ABI3BP: variants seen among roughly 807,000 people sequenced by gnomAD.
ABI3BP encodes ABI family member 3 binding protein.
ABI3BP carries 216 observed loss-of-function variants against 268.6 expected under a neutral mutation model. The observed-to-expected ratio is 0.80, with a 90% CI of 0.72 to 0.90. The LOEUF (loss-of-function observed/expected upper bound fraction) is 0.90. Ranked by LOEUF, ABI3BP falls within the 40% of genes least tolerant of loss-of-function variation. The probability of loss-of-function intolerance (pLI) is 0.00; values close to 1 mark genes in which losing one functional copy is unlikely to be tolerated. For missense variants in ABI3BP, 2,090 were observed against 2,182.4 expected (o/e 0.96, Z 0.84); for synonymous variants, 730 against 730.0 (o/e 1.00, Z 0.00).
At chr3:100,831,936 AT>A (rs2098501766) in intron 31 of ABI3BP, among the ~76,000 whole-genome samples, 2 of 152,212 alleles carry the variant, frequency 1.3e-5, no homozygotes, top group African/African-American at 2.4e-5. Context: ...CCCACTTCTG[AT>A]GTATGGACTA....
chr3:100,773,198 C>T (rs1483828845), intron 61 of ABI3BP, among the ~76,000 whole-genome samples: 1 of 151,732 alleles, frequency 6.6e-6, no homozygotes, highest in East Asian at 1.9e-4. Context: ...AGAAGACACA[C>T]ACTGGGAAAA....
intron 14 of ABI3BP, among the ~76,000 whole-genome samples, chr3:100,858,505 A>G (rs1481778985): frequency 6.6e-6 from 1 of 152,252 alleles, no homozygotes; most frequent in African/African-American, 2.4e-5. Flanking sequence ...ATTTTCATAG[A>G]GTCTTTTATA....
At chr3:100,852,491 C>G (rs1425537665) in intron 14 of ABI3BP, among the ~76,000 whole-genome samples, 2 of 152,142 alleles carry the variant, frequency 1.3e-5, no homozygotes, top group Non-Finnish European at 2.9e-5. Flanking sequence ...GGCAGTAGCC[C>G]CACTTTGTAG....
chr3:100,812,864 A>G (rs2097897681), intron 45 of ABI3BP, among the ~76,000 whole-genome samples: 1 of 152,140 alleles, frequency 6.6e-6, no homozygotes, highest in South Asian at 2.1e-4. Flanking sequence ...CATTACTAAT[A>G]CTGACTTTTA....
chr3:100,917,398 G>A (rs1038019908), intron 2 of ABI3BP, among the ~76,000 whole-genome samples: 1 of 152,038 alleles, frequency 6.6e-6, no homozygotes, highest in Non-Finnish European at 1.5e-5. Flanking sequence ...ATAATATATG[G>A]ATAATCAGGA....
intron 44 of ABI3BP, 114 bp from the exon 45 acceptor site, chr3:100,813,849 G>A: frequency 2.3e-6 from 2 of 881,456 alleles, no homozygotes; most frequent in African/African-American, 1.7e-5. Flanking sequence ...ATGAGGTTAT[G>A]GAGAGCCATA....
intron 1 of ABI3BP, among the ~76,000 whole-genome samples, chr3:100,984,714 G>A (rs954413652): frequency 4.6e-5 from 7 of 152,252 alleles, no homozygotes; most frequent in South Asian, 2.1e-4. Flanking sequence ...AATATTATAC[G>A]GAGTAGAATA....
Position 100,911,985 on chromosome 3 carries a change from G to A in ABI3BP, c.260-9299C>T, listed in dbSNP as rs2056687604. ...TGAGGAATTATAAAAGCTAAAAAAAGCATGGAATATATTTCTGAATGTCAA... is the reference window on the plus strand; with the variant it reads ...TGAGGAATTATAAAAGCTAAAAAAAACATGGAATATATTTCTGAATGTCAA... On this transcript the variant is annotated intron_variant, in intron 2 of 67. Transcript: ENST00000471714. 8 of 821,030 alleles carry A rather than the reference G, an allele frequency of 9.7e-6. No individual in the cohort carries two copies. In the South Asian group the frequency reaches 1.1e-4, roughly 12 times the overall value. 50.9% of individuals were successfully genotyped at this position (821,030 alleles called of 1,614,324 possible). A position where few individuals can be genotyped will look rare whatever the true frequency, so the allele number is the denominator to read the frequency against.
intron 35 of ABI3BP, among the ~76,000 whole-genome samples, chr3:100,825,360 AAG>A (rs2098357427): frequency 7.0e-6 from 1 of 142,864 alleles, no homozygotes; most frequent in Non-Finnish European, 1.5e-5. Context: ...CTAATAAAGA[AAG>A]AAACATACTG....
rs1019227416 is a variant in ABI3BP, at chr3:100,753,948, C to A, written c.4931-100G>T. The A allele has an allele frequency of 4.9e-6, 6 of 1,227,214 alleles. No individual in the cohort carries two copies. The East Asian group carries it at 1.5e-4, about 31-fold the overall frequency. The allele number at this position is 1,227,214 out of a possible 1,614,324, so 76.0% of individuals were successfully genotyped here. On this transcript the variant is annotated intron_variant, in intron 64 of 67. Coordinates refer to ENST00000471714, the MANE Select transcript of ABI3BP (RefSeq NM_001375547.2). ...TGGGGGCTTACACTTGTTAAGAAGT[C>A]TTATTTGCAAAATGGTACTCTTTTG...
At chr3:100,835,077 A>T (rs944490709) in intron 28 of ABI3BP, among the ~76,000 whole-genome samples, 4 of 152,228 alleles carry the variant, frequency 2.6e-5, no homozygotes, top group African/African-American at 9.6e-5. Flanking sequence ...CGTAGACATC[A>T]CATCAGAGAG....
intron 4 of ABI3BP, among the ~76,000 whole-genome samples, chr3:100,892,906 A>G (rs979783865): frequency 2.0e-5 from 3 of 152,204 alleles, no homozygotes; most frequent in Non-Finnish European, 4.4e-5. Flanking sequence ...GATGGTTAAT[A>G]GTGAGTGTCA....
At chr3:100,855,310 T>C (rs1289537183) in intron 14 of ABI3BP, among the ~76,000 whole-genome samples, 2 of 152,234 alleles carry the variant, frequency 1.3e-5, no homozygotes, top group African/African-American at 2.4e-5. Context: ...AATGCCCTGA[T>C]ACTGCTGTGG....
intron 51 of ABI3BP, among the ~76,000 whole-genome samples, chr3:100,803,157 G>A (rs2097578726): frequency 6.9e-6 from 1 of 145,976 alleles, no homozygotes; most frequent in Non-Finnish European, 1.6e-5. Flanking sequence ...ACCACTAAGA[G>A]AGACCCTAGT....
In ABI3BP at chr3:100,779,653, G is replaced by C. The variant is rs866029736; in HGVS notation, c.4240+479C>G. On this transcript the variant is annotated intron_variant, in intron 58 of 67. Transcript: ENST00000471714. ...TCTCTATGTGTTCAGGAGTGTACTGGTAGTTGACATTAATAAAAGTCTTTA... is the reference window on the plus strand; with the variant it reads ...TCTCTATGTGTTCAGGAGTGTACTGCTAGTTGACATTAATAAAAGTCTTTA... Among the ~76,000 whole-genome samples, 11 of 151,448 alleles carry C rather than the reference G, an allele frequency of 7.3e-5. No individual in the cohort carries two copies. In the South Asian group the frequency reaches 2.1e-3, roughly 29 times the overall value.
At chr3:100,812,565 T>A (rs1385697218) in intron 45 of ABI3BP, 42 bp from the exon 46 acceptor site, 1 of 1,237,556 alleles carries the variant, frequency 8.1e-7, no homozygotes. Flanking sequence ...AAAGGATAGG[T>A]TGTAAGTATT....
intron 43 of ABI3BP, chr3:100,816,270 C>T: frequency 2.2e-6 from 1 of 453,668 alleles, no homozygotes; most frequent in Admixed American, 4.0e-5. Context: ...TTTGTTTAGG[C>T]AACAGATACG....
intron 2 of ABI3BP, among the ~76,000 whole-genome samples, chr3:100,919,325 A>T (rs1402208578): frequency 6.6e-6 from 1 of 152,070 alleles, no homozygotes; most frequent in Non-Finnish European, 1.5e-5. Flanking sequence ...TTTATATTTC[A>T]TCCCACTTTC....
intron 51 of ABI3BP, among the ~76,000 whole-genome samples, chr3:100,800,294 C>T (rs1394779882): frequency 6.6e-6 from 1 of 151,812 alleles, no homozygotes; most frequent in East Asian, 1.9e-4. Context: ...TTATATCACT[C>T]CCATGATTAC....
Sources: gnomAD v4.1 joint callset for allele counts (sites outside exome capture counted in the v4.1 genomes callset) on GRCh38, gnomAD v4.1.1 for gene constraint, MANE v1.5 for transcripts, NCBI Gene and HGNC (gene_info 2026-07-23, HGNC 2026-07-21) for gene names.